Variants in RPTOR observed in about 807,000 individuals in gnomAD.
The protein encoded by RPTOR is regulatory-associated protein of mTOR.
RPTOR carries 21 observed loss-of-function variants against 169.9 expected under a neutral mutation model. The ratio of observed to expected loss-of-function variants is 0.12; its 90% CI spans 0.09 to 0.18. The LOEUF is 0.18. Among genes scored for constraint, RPTOR ranks in the 10% least tolerant of loss-of-function variants. The probability of loss-of-function intolerance (pLI) is 1.00; values close to 1 mark genes in which losing one functional copy is unlikely to be tolerated. For missense variants in RPTOR, 1,133 were observed against 1,855.9 expected (o/e 0.61, Z 7.16); for synonymous variants, 732 against 753.2 (o/e 0.97, Z 0.46).
At position 80,855,454 on chromosome 17, in the gene RPTOR, G is replaced by C. The variant is rs2044666118; in HGVS notation, c.1315-10G>C. 1.2e-6 allele frequency: 2 copies of C among 1,609,510 alleles called. No homozygotes were observed. The highest frequency in any genetic ancestry group is 1.7e-6 in the Non-Finnish European group (2 of 1,175,970). On this transcript the variant is annotated splice_polypyrimidine_tract_variant and intron_variant, in intron 11 of 33. Coordinates refer to ENST00000306801, the MANE Select transcript of RPTOR (RefSeq NM_020761.3). Reference sequence around the variant, plus strand: ...TTTGCAGTGATACCATTTTCTTCTTGTTCTTCCAGGTGCTGTTAAGCCAAG... The same window carrying C: ...TTTGCAGTGATACCATTTTCTTCTTCTTCTTCCAGGTGCTGTTAAGCCAAG...
At position 80,876,111 on chromosome 17, in the gene RPTOR, G is replaced by A. The variant is rs530834257; in HGVS notation, c.1510-4304G>A. Among the ~76,000 whole-genome samples, 116 of 127,564 alleles carry A rather than the reference G, an allele frequency of 9.1e-4. 2 individuals carry two copies. Among genetic ancestry groups the A allele is most frequent in the Non-Finnish European group, 1.2e-3 (73 of 62,396 alleles). 83.7% of individuals were successfully genotyped at this position (127,564 alleles called of 152,430 possible). On this transcript the variant is annotated intron_variant, in intron 13 of 33. Transcript: ENST00000306801. ...TGTGTCACCTGCCGGGTCTTCCACC[G>A]AGCCCGTGCTGCCCAGGATGTGTGT...
chr17:80,821,197 T>A (rs1441870854), intron 7 of RPTOR, among the ~76,000 whole-genome samples: 1 of 152,160 alleles, frequency 6.6e-6, no homozygotes, highest in Non-Finnish European at 1.5e-5. Flanking sequence ...GGCGGGAGGA[T>A]CCCTTGAGCC....
At chr17:80,902,612 TG>T (rs1385537336) in intron 20 of RPTOR, among the ~76,000 whole-genome samples, 2 of 152,378 alleles carry the variant, frequency 1.3e-5, no homozygotes, top group East Asian at 1.9e-4. Context: ...TGCACTTATC[TG>T]TGTTCCTGAC....
intron 20 of RPTOR, among the ~76,000 whole-genome samples, chr17:80,899,183 A>G (rs922249667): frequency 1.3e-5 from 2 of 152,254 alleles, no homozygotes; most frequent in African/African-American, 4.8e-5. Context: ...CAGAAAGCGC[A>G]GAGTTGACTC....
At chr17:80,782,596 A>G (rs2066952395) in intron 6 of RPTOR, among the ~76,000 whole-genome samples, 1 of 152,160 alleles carries the variant, frequency 6.6e-6, no homozygotes, top group South Asian at 2.1e-4. Context: ...CGGGGATCTC[A>G]GCCCCAGCCG....
intron 28 of RPTOR, among the ~76,000 whole-genome samples, chr17:80,956,247 T>C (rs1198322339): frequency 6.6e-6 from 1 of 150,550 alleles, no homozygotes; most frequent in Non-Finnish European, 1.5e-5. Context: ...GAGCAAACAA[T>C]GGTAAAATGT....
In RPTOR at chr17:80,754,165, C is replaced by G; in HGVS notation, c.810C>G (p.Pro270=). ...TATTCACCTCCTGCCTCACCACCCC[C>G]ATCAAGATCGCCCTGCGCTGGTGAG... is the stretch of plus-strand genomic sequence containing the variant. ...ADLFTSCLTT[P]IKIALRWFCM... is the part of the protein sequence containing the mutation. The change falls in exon 6 of 34, where the codon CCC becomes CCG. Residue 270 remains proline, a synonymous_variant. Transcript: ENST00000306801. This position sits in a 1 kb window ranked among gnomAD's most constrained non-coding sequence, Gnocchi z 4.2. 3 of 1,609,062 alleles carry G rather than the reference C, an allele frequency of 1.9e-6. No homozygotes were observed. Among genetic ancestry groups the G allele is most frequent in the Non-Finnish European group, 2.5e-6 (3 of 1,177,150 alleles).
chr17:80,864,463 G>GTGAGAGTGATGGCAGGTTT (rs1488601682), intron 13 of RPTOR, among the ~76,000 whole-genome samples: 2 of 152,172 alleles, frequency 1.3e-5, no homozygotes, highest in Admixed American at 6.5e-5. Context: ...GATGGAAAAG[G>GTGAGAGTGATGGCAGGTTT]CAGACAGCGG....
intron 7 of RPTOR, among the ~76,000 whole-genome samples, chr17:80,795,043 T>C (rs1263689841): frequency 6.6e-6 from 1 of 152,086 alleles, no homozygotes; most frequent in South Asian, 2.1e-4. Context: ...ATTTGACAAC[T>C]GAAGTAAAAG....
At chr17:80,799,939 C>T (rs1022243783) in intron 7 of RPTOR, among the ~76,000 whole-genome samples, 10 of 152,190 alleles carry the variant, frequency 6.6e-5, no homozygotes, top group African/African-American at 9.7e-5. Flanking sequence ...TGTCCTTGCC[C>T]GCTGCCATCT....
At chr17:80,678,277 G>A (rs925592225) in intron 3 of RPTOR, among the ~76,000 whole-genome samples, 1 of 152,206 alleles carries the variant, frequency 6.6e-6, no homozygotes, top group Non-Finnish European at 1.5e-5. Context: ...AAAGGAAGAA[G>A]AATCAGCAGG....
intron 1 of RPTOR, among the ~76,000 whole-genome samples, chr17:80,596,976 G>T (rs1212346815): frequency 6.6e-6 from 1 of 152,228 alleles, no homozygotes; most frequent in African/African-American, 2.4e-5. Flanking sequence ...GATTCGTTCA[G>T]CAGGTGTTGA....
At chr17:80,893,675 G>C (rs765916548) in intron 19 of RPTOR, 32 bp from the exon 20 acceptor site, 1 of 1,593,454 alleles carries the variant, frequency 6.3e-7, no homozygotes, top group Non-Finnish European at 8.5e-7. Context: ...GGTCCCGGGA[G>C]CACCCCACTG....
chr17:80,606,298 C>T (rs758202157), intron 1 of RPTOR, among the ~76,000 whole-genome samples: 7 of 143,182 alleles, frequency 4.9e-5, no homozygotes, highest in Non-Finnish European at 7.5e-5. Flanking sequence ...GCATGAGCCA[C>T]GGTGCCTGGC....
At chr17:80,579,045 T>G (rs1011235829) in intron 1 of RPTOR, among the ~76,000 whole-genome samples, 1 of 152,214 alleles carries the variant, frequency 6.6e-6, no homozygotes, top group African/African-American at 2.4e-5. Flanking sequence ...ATAACTACCT[T>G]ACACAGGTAC....
At chr17:80,637,109 A>G (rs2065513696) in intron 2 of RPTOR, among the ~76,000 whole-genome samples, 1 of 152,126 alleles carries the variant, frequency 6.6e-6, no homozygotes, top group African/African-American at 2.4e-5. Context: ...GGTGGAGCGG[A>G]AGGTGGTCTG....
chr17:80,743,518 G>A, intron 5 of RPTOR: 1 of 920,952 alleles, frequency 1.1e-6, no homozygotes, highest in Non-Finnish European at 1.3e-6. Context: ...GCTGGGCATT[G>A]CCAGGTCTGA....
At chr17:80,771,813 G>A (rs1374935803) in intron 6 of RPTOR, among the ~76,000 whole-genome samples, 1 of 152,160 alleles carries the variant, frequency 6.6e-6, no homozygotes, top group Non-Finnish European at 1.5e-5. Flanking sequence ...CGATATGGGG[G>A]AAGCTGTTGC....
At chr17:80,941,023 C>G (rs978865159) in intron 25 of RPTOR, among the ~76,000 whole-genome samples, 1 of 152,212 alleles carries the variant, frequency 6.6e-6, no homozygotes, top group Non-Finnish European at 1.5e-5. Flanking sequence ...GGACAGGTGT[C>G]GTTGCGCCAG....
Sources: gnomAD v4.1 joint callset for allele counts (sites outside exome capture counted in the v4.1 genomes callset) on GRCh38, gnomAD v4.1.1 for gene constraint, Gnocchi (gnomAD v3.1) non-coding constraint, MANE v1.5 for transcripts, NCBI Gene and HGNC (gene_info 2026-07-23, HGNC 2026-07-21) for gene names.